RSRC1: variants seen among roughly 807,000 people sequenced by gnomAD.
The protein encoded by RSRC1 is arginine and serine rich coiled-coil 1, also known as serine/Arginine-related protein 53.
A neutral mutation model predicts 49.1 loss-of-function variants in RSRC1; 39 were observed. The ratio of observed to expected loss-of-function variants is 0.79; its 90% CI spans 0.61 to 1.04. The LOEUF (loss-of-function observed/expected upper bound fraction) is 1.04, where lower values mean the gene tolerates loss of function less well. RSRC1 is among the 50% of genes least tolerant of loss of function. The pLI, the probability that RSRC1 is intolerant of heterozygous loss-of-function variation, is 0.00. For missense variants in RSRC1, 388 were observed against 402.4 expected (o/e 0.96, Z 0.31); for synonymous variants, 143 against 130.8 (o/e 1.09, Z -0.63).
At chr3:158,517,168 A>C (rs114033666) in intron 7 of RSRC1, among the ~76,000 whole-genome samples, 3 of 140,600 alleles carry the variant, frequency 2.1e-5, no homozygotes, top group Non-Finnish European at 4.6e-5. Context: ...TTTTGCTATT[A>C]ATATTATTAT....
intron 4 of RSRC1, among the ~76,000 whole-genome samples, chr3:158,209,418 G>A (rs1267494548): frequency 6.6e-6 from 1 of 151,966 alleles, no homozygotes; most frequent in Admixed American, 6.6e-5. Flanking sequence ...AGAACTGTGA[G>A]GCAATAAATT....
chr3:158,217,428 T>G (rs1364933081), intron 4 of RSRC1, among the ~76,000 whole-genome samples: 1 of 151,666 alleles, frequency 6.6e-6, no homozygotes, highest in East Asian at 1.9e-4. Context: ...TCAAGTCCTT[T>G]TTTGTGGTAG....
intron 3 of RSRC1, among the ~76,000 whole-genome samples, chr3:158,131,776 G>A (rs1430002945): frequency 5.3e-5 from 8 of 152,178 alleles, no homozygotes; most frequent in African/African-American, 1.9e-4. Context: ...AAGGGTGTTA[G>A]GGAAGAGATC....
At chr3:158,487,972 A>AAAAAAAAAAAAAAAT (rs1738898672) in intron 7 of RSRC1, among the ~76,000 whole-genome samples, 1 of 148,710 alleles carries the variant, frequency 6.7e-6, no homozygotes. Context: ...AAAAAAAAAA[A>AAAAAAAAAAAAAAAT]AACTGGCTGA....
intron 7 of RSRC1, among the ~76,000 whole-genome samples, chr3:158,506,268 A>T (rs974310474): frequency 1.3e-5 from 2 of 152,150 alleles, no homozygotes; most frequent in South Asian, 4.1e-4. Context: ...ACATAATAAT[A>T]ATAATAATTC....
chr3:158,328,019 T>A (rs963891493), intron 5 of RSRC1, among the ~76,000 whole-genome samples: 4 of 152,196 alleles, frequency 2.6e-5, no homozygotes, highest in African/African-American at 9.7e-5. Flanking sequence ...TGTTTTTTGG[T>A]TTAAAGTCTG....
chr3:158,230,174 T>C (rs2108310072), intron 4 of RSRC1, among the ~76,000 whole-genome samples: 1 of 152,262 alleles, frequency 6.6e-6, no homozygotes, highest in African/African-American at 2.4e-5. Flanking sequence ...TGCCTCAATT[T>C]GGGTTTGTCT....
intron 5 of RSRC1, among the ~76,000 whole-genome samples, chr3:158,345,048 A>G (rs1730468433): frequency 1.3e-5 from 2 of 151,614 alleles, no homozygotes; most frequent in African/African-American, 2.4e-5. Context: ...GTGAAACCCC[A>G]TCTCTACTAA....
intron 4 of RSRC1, among the ~76,000 whole-genome samples, chr3:158,272,139 G>T (rs538761205): frequency 2.6e-5 from 4 of 152,074 alleles, no homozygotes; most frequent in Non-Finnish European, 5.9e-5. Context: ...AGTACCGGCA[G>T]ATAAATGCCC....
intron 4 of RSRC1, among the ~76,000 whole-genome samples, chr3:158,274,835 C>T (rs1437298235): frequency 6.6e-6 from 1 of 152,126 alleles, no homozygotes; most frequent in Non-Finnish European, 1.5e-5. Flanking sequence ...CTGCAGAAAA[C>T]ACATATGGTT....
chr3:158,514,019 T>TA (rs904651384), intron 7 of RSRC1, among the ~76,000 whole-genome samples: 23 of 152,294 alleles, frequency 1.5e-4, no homozygotes, highest in African/African-American at 5.5e-4. Flanking sequence ...TTTTCTTTAT[T>TA]AGTCTTGCTA....
intron 4 of RSRC1, among the ~76,000 whole-genome samples, chr3:158,269,820 T>C (rs1725403592): frequency 6.6e-6 from 1 of 152,210 alleles, no homozygotes; most frequent in African/African-American, 2.4e-5. Flanking sequence ...TTTCTTATTT[T>C]ACCTGTTCTT....
chr3:158,406,174 T>G (rs1336569867), intron 6 of RSRC1, among the ~76,000 whole-genome samples: 1 of 152,148 alleles, frequency 6.6e-6, no homozygotes, highest in African/African-American at 2.4e-5. Flanking sequence ...ACTATGAATA[T>G]TGCTATTATT....
chr3:158,158,531 C>T (rs1414448899), intron 3 of RSRC1, among the ~76,000 whole-genome samples: 2 of 152,232 alleles, frequency 1.3e-5, no homozygotes, highest in East Asian at 3.9e-4. Flanking sequence ...TGGAGTAGTC[C>T]ACATGAAATT....
At chr3:158,343,934 C>G (rs1730399047) in intron 5 of RSRC1, among the ~76,000 whole-genome samples, 1 of 152,020 alleles carries the variant, frequency 6.6e-6, no homozygotes, top group African/African-American at 2.4e-5. Flanking sequence ...TTGATAAAAA[C>G]TATAAACCAA....
chr3:158,155,327 A>T (rs935608443), intron 3 of RSRC1, among the ~76,000 whole-genome samples: 10 of 152,216 alleles, frequency 6.6e-5, no homozygotes, highest in Admixed American at 6.5e-4. Context: ...TGATTCAGGG[A>T]CTACAGAATG....
chr3:158,447,611 T>G (rs1045769827), intron 6 of RSRC1, among the ~76,000 whole-genome samples: 4 of 151,954 alleles, frequency 2.6e-5, no homozygotes, highest in Admixed American at 2.6e-4. Flanking sequence ...AGCAAATTAT[T>G]AAGCCTCTCT....
intron 6 of RSRC1, among the ~76,000 whole-genome samples, chr3:158,409,625 G>A (rs1456734309): frequency 6.6e-6 from 1 of 152,070 alleles, no homozygotes; most frequent in African/African-American, 2.4e-5. Flanking sequence ...CCCCATCCTA[G>A]AAGACTGACT....
At chr3:158,413,141 A>T (rs771272107) in intron 6 of RSRC1, among the ~76,000 whole-genome samples, 10 of 152,194 alleles carry the variant, frequency 6.6e-5, no homozygotes, top group African/African-American at 9.6e-5. Flanking sequence ...ACAAATACAG[A>T]CACATAGACC....
Sources: allele counts gnomAD v4.1 joint callset (sites outside exome capture counted in the v4.1 genomes callset), GRCh38; gene constraint gnomAD v4.1.1; transcripts MANE v1.5; gene names NCBI Gene and HGNC (gene_info 2026-07-23, HGNC 2026-07-21).